The following AKT3 variants were observed in gnomAD, a reference collection of about 807,000 sequenced individuals.
AKT3 encodes the protein RAC-gamma serine/threonine-protein kinase.
In AKT3, 15 loss-of-function variants were observed where a neutral mutation model predicts 65.3. The ratio of observed to expected loss-of-function variants is 0.23; its 90% CI spans 0.15 to 0.35. AKT3 has a LOEUF of 0.35. AKT3 is among the 10% of genes least tolerant of loss of function. The pLI, the probability that AKT3 is intolerant of heterozygous loss-of-function variation, is 1.00. For synonymous variants in AKT3, 206 were observed against 183.8 expected (o/e 1.12, Z -0.98); for missense variants, 243 against 576.5 (o/e 0.42, Z 5.92).
intron 2 of AKT3, among the ~76,000 whole-genome samples, chr1:243,816,668 TAGAA>T (rs1186989297): frequency 2.0e-5 from 3 of 151,916 alleles, no homozygotes; most frequent in African/African-American, 7.2e-5. Context: ...AAATCCACCG[TAGAA>T]AGAAATAGTT....
At position 243,620,385 on chromosome 1, in the gene AKT3, T is replaced by C. The variant is rs1303274636; in HGVS notation, c.562-5224A>G. Among the ~76,000 whole-genome samples, 14 of 126,842 alleles carry C rather than the reference T, an allele frequency of 1.1e-4. 2 individuals carry two copies. Among genetic ancestry groups the C allele is most frequent in the African/African-American group, 2.7e-4 (11 of 40,038 alleles). The allele number at this position is 126,842 out of a possible 152,430, so 83.2% of individuals were successfully genotyped here. ...CAGTGTGAGAATGAACTAATACAGATGATATCACATTGTGGTTTTGATTTG... is the reference window on the plus strand; with the variant it reads ...CAGTGTGAGAATGAACTAATACAGACGATATCACATTGTGGTTTTGATTTG... On this transcript the variant is annotated intron_variant, in intron 6 of 13. Coordinates refer to ENST00000673466, the MANE Select transcript of AKT3 (RefSeq NM_005465.7).
intron 2 of AKT3, among the ~76,000 whole-genome samples, chr1:243,832,710 G>A (rs1480944823): frequency 6.6e-6 from 1 of 152,132 alleles, no homozygotes; most frequent in African/African-American, 2.4e-5. Flanking sequence ...AGTCTTACTA[G>A]TTTGAAGAGA....
At chr1:243,563,616 A>T (rs1474930737) in intron 10 of AKT3, 104 bp downstream of exon 10, 14 of 1,366,734 alleles carry the variant, frequency 1.0e-5, no homozygotes, top group Non-Finnish European at 1.3e-5. Context: ...GTTGAAATAT[A>T]GATAAAAGTA....
chr1:243,827,907 G>A (rs1251322750), intron 2 of AKT3, among the ~76,000 whole-genome samples: 1 of 152,064 alleles, frequency 6.6e-6, no homozygotes, highest in Non-Finnish European at 1.5e-5. Context: ...GACAGGAAAG[G>A]AATACTGATC....
At chr1:243,713,925 TA>T (rs1162187339) in intron 2 of AKT3, among the ~76,000 whole-genome samples, 1 of 151,754 alleles carries the variant, frequency 6.6e-6, no homozygotes, top group East Asian at 1.9e-4. Flanking sequence ...GTAATTAGTA[TA>T]AAAAAGTCCG....
At chr1:243,685,734 T>C (rs901719114) in intron 3 of AKT3, among the ~76,000 whole-genome samples, 1 of 152,130 alleles carries the variant, frequency 6.6e-6, no homozygotes, top group Non-Finnish European at 1.5e-5. Flanking sequence ...CTATTCAACA[T>C]AGTATTGGAA....
At chr1:243,526,589 A>G (rs929123688) in intron 12 of AKT3, among the ~76,000 whole-genome samples, 1 of 152,128 alleles carries the variant, frequency 6.6e-6, no homozygotes, top group African/African-American at 2.4e-5. Flanking sequence ...ACAAACAAAA[A>G]TATCTTGAAA....
At chr1:243,601,122 A>G (rs1676969774) in intron 8 of AKT3, among the ~76,000 whole-genome samples, 1 of 152,146 alleles carries the variant, frequency 6.6e-6, no homozygotes, top group African/African-American at 2.4e-5. Context: ...GATTACAACA[A>G]AAGTGTATTT....
chr1:243,516,809 T>A lies in AKT3; in HGVS notation c.1252-4383A>T, dbSNP rs74536940. 3.6e-3 allele frequency among the ~76,000 whole-genome samples: 543 copies of A among 152,298 alleles called. 2 individuals are homozygous for A. The highest frequency in any genetic ancestry group is 0.012 in the African/African-American group (515 of 41,562). ...ATTTAGAGATGGGATCTCACTATGTTGTGCAGACTAGTCTCGAACTCCTCT... is the reference window on the plus strand; with the variant it reads ...ATTTAGAGATGGGATCTCACTATGTAGTGCAGACTAGTCTCGAACTCCTCT... On this transcript the variant is annotated intron_variant, in intron 12 of 13. Coordinates refer to ENST00000673466, the MANE Select transcript of AKT3 (RefSeq NM_005465.7).
intron 3 of AKT3, among the ~76,000 whole-genome samples, chr1:243,669,827 T>C (rs1322455968): frequency 6.6e-6 from 1 of 152,172 alleles, no homozygotes; most frequent in Non-Finnish European, 1.5e-5. Flanking sequence ...AAGAATAAAA[T>C]ACCTGTATTT....
At position 243,783,854 on chromosome 1, in the gene AKT3, G is replaced by T. The variant is rs186028871; in HGVS notation, c.46+59271C>A. ...TACACAAACACAAAATTAACAATAAGAAATTATGCTAGTATTATAAATAAA... is the reference window on the plus strand; with the variant it reads ...TACACAAACACAAAATTAACAATAATAAATTATGCTAGTATTATAAATAAA... On this transcript the variant is annotated intron_variant, in intron 2 of 13. Coordinates refer to ENST00000673466, the MANE Select transcript of AKT3 (RefSeq NM_005465.7). Among the ~76,000 whole-genome samples the T allele has an allele frequency of 5.4e-3, 814 of 152,134 alleles. 2 individuals carry two copies. Among genetic ancestry groups the T allele is most frequent in the Middle Eastern group, 0.01 (3 of 292 alleles).
rs58911364 is a variant in AKT3, at chr1:243,699,465, CTATATATATATATA to C, written c.47-3763_47-3750del. On this transcript the variant is annotated intron_variant, in intron 2 of 13. Transcript: ENST00000673466. Reference sequence around the variant, plus strand: ...AAGACTTCCAACCCAACCTCTTCCACTATATATATATATATATATATATATATATATATATATAT... The same window carrying C: ...AAGACTTCCAACCCAACCTCTTCCACTATATATATATATATATATATATAT... Among the ~76,000 whole-genome samples the C allele has an allele frequency of 4.4e-3, 454 of 103,604 alleles. 10 individuals are homozygous for C. Among genetic ancestry groups the C allele is most frequent in the African/African-American group, 5.9e-3 (120 of 20,446 alleles). The allele number at this position is 103,604 out of a possible 152,430, so 68.0% of individuals were successfully genotyped here.
At chr1:243,533,089 A>G (rs992787604) in intron 12 of AKT3, among the ~76,000 whole-genome samples, 1 of 152,182 alleles carries the variant, frequency 6.6e-6, no homozygotes, top group Non-Finnish European at 1.5e-5. Context: ...TTTTTCAAAT[A>G]ACCAACTTTC....
chr1:243,717,122 T>C (rs1450500944), intron 2 of AKT3, among the ~76,000 whole-genome samples: 1 of 152,204 alleles, frequency 6.6e-6, no homozygotes, highest in African/African-American at 2.4e-5. Context: ...CAGAAGTTTT[T>C]TTCCTTCATA....
chr1:243,649,332 T>C, intron 4 of AKT3, among the ~76,000 whole-genome samples: 1 of 150,374 alleles, frequency 6.7e-6, no homozygotes, highest in South Asian at 2.1e-4. Flanking sequence ...TGTGTGTGTG[T>C]GTGTGTGTGT....
At chr1:243,568,128 C>G (rs1343789864) in intron 9 of AKT3, among the ~76,000 whole-genome samples, 2 of 152,130 alleles carry the variant, frequency 1.3e-5, no homozygotes, top group East Asian at 1.9e-4. Flanking sequence ...CTTTAGTCTT[C>G]TCTTCTAGAT....
chr1:243,647,376 A>C (rs1049834187), intron 4 of AKT3, among the ~76,000 whole-genome samples: 8 of 152,184 alleles, frequency 5.3e-5, no homozygotes, highest in Non-Finnish European at 8.8e-5. Context: ...AGGTTTGTAA[A>C]CTGTGAGCAA....
intron 13 of AKT3, chr1:243,489,067 T>A: frequency 6.2e-7 from 1 of 1,613,368 alleles, no homozygotes; most frequent in Non-Finnish European, 8.5e-7. Flanking sequence ...CTGGTGCAGC[T>A]CCTCAGCAAG....
At position 243,503,526 on chromosome 1, in the gene AKT3, GC is replaced by G; in HGVS notation, c.*1722del. 4.3e-6 allele frequency: 1 copy of G among 233,284 alleles called. No individual in the cohort carries two copies. Among genetic ancestry groups the G allele is most frequent in the Non-Finnish European group, 8.5e-6 (1 of 117,816 alleles). 14.5% of individuals were successfully genotyped at this position (233,284 alleles called of 1,614,324 possible). A position where few individuals can be genotyped will look rare whatever the true frequency, so the allele number is the denominator to read the frequency against. On this transcript the variant is annotated 3_prime_UTR_variant, in exon 14 of 14. Coordinates refer to ENST00000673466, the MANE Select transcript of AKT3 (RefSeq NM_005465.7). ...TGGCCTTCTGCTTGCCGCAAGAGTG[GC>G]CCCCAGCCCCTAGGACTTCACAGGC...
Sources: allele counts gnomAD v4.1 joint callset (sites outside exome capture counted in the v4.1 genomes callset), GRCh38; gene constraint gnomAD v4.1.1; transcripts MANE v1.5; gene names NCBI Gene and HGNC (gene_info 2026-07-23, HGNC 2026-07-21).